The following RGL4 variants were observed in gnomAD, a reference collection of about 807,000 sequenced individuals.
RGL4 encodes the protein ral guanine nucleotide dissociation stimulator like 4.
A neutral mutation model predicts 49.6 loss-of-function variants in RGL4; 41 were observed. The ratio of observed to expected loss-of-function variants is 0.83; its 90% CI spans 0.64 to 1.07. The LOEUF is 1.07. RGL4 is among the 50% of genes least tolerant of loss of function. The pLI is 0.00. For missense variants in RGL4, 610 were observed against 591.9 expected (o/e 1.03, Z -0.32); for synonymous variants, 255 against 238.0 (o/e 1.07, Z -0.66).
Position 23,692,193 on chromosome 22 carries a change from A to T in RGL4, c.163A>T (p.Ser55Cys). The change falls in exon 1 of 11, where the codon AGC becomes TGC. Residue 55 changes from serine to cysteine, a missense_variant. Ser to Cys is a moderately radical substitution (Grantham distance 112). Transcript: ENST00000290691. ...TGGCCAGGTCTGCCCCTTCCAGGAC[A>T]GCACTGATGGCTTACGGTAGGGTGG... ...LYGQVCPFQD[S>C]TDGLRTITSI... 1.2e-6 allele frequency: 2 copies of T among 1,613,544 alleles called. No individual in the cohort carries two copies. The highest frequency in any genetic ancestry group is 1.7e-6 in the Non-Finnish European group (2 of 1,179,526).
chr22:23,694,512 C>A lies in RGL4; in HGVS notation c.1016+62C>A, dbSNP rs1201614698. The A allele has an allele frequency of 1.2e-5, 13 of 1,126,742 alleles. No homozygotes were observed. The South Asian group carries it at 1.2e-4, about 10-fold the overall frequency. The allele number at this position is 1,126,742 out of a possible 1,614,324, so 69.8% of individuals were successfully genotyped here. A position where few individuals can be genotyped will look rare whatever the true frequency, so the allele number is the denominator to read the frequency against. On this transcript the variant is annotated intron_variant, in intron 5 of 10. Transcript: ENST00000290691. ...ACCTAGGGACTCACAGGTCTCCCCC[C>A]ATGTGCCCTCAATGACTCTGAAAGG...
rs1477920617 is a variant in RGL4, at chr22:23,691,373, C to A, written c.-658C>A. On this transcript the variant is annotated 5_prime_UTR_variant, in exon 1 of 11. Transcript: ENST00000290691. The stretch of plus-strand genomic sequence containing the variant: ...GGTCCCTTGGTGCTGAAAAAGGAGC[C>A]ACAGGCCCACTCAGACATCTGGAGA... 1 of 152,176 alleles carries A rather than the reference C, an allele frequency of 6.6e-6. No individual in the cohort carries two copies. Among genetic ancestry groups the A allele is most frequent in the Non-Finnish European group, 1.5e-5 (1 of 68,044 alleles). 9.4% of individuals were successfully genotyped at this position (152,176 alleles called of 1,614,324 possible).
chr22:23,693,037 T>C, intron 3 of RGL4, 46 bp downstream of exon 3: 1 of 1,537,352 alleles, frequency 6.5e-7, no homozygotes. Context: ...ACCAGCTGTC[T>C]CAGACCAGCC....
rs555346416 is a variant in RGL4, at chr22:23,692,036, G to A, written c.6G>A (p.Arg2=). The change falls in exon 1 of 11, where the codon AGG becomes AGA. Residue 2 remains arginine (R), a synonymous_variant. Transcript: ENST00000290691. M[R]KLLTNLPAAA... is the part of the protein sequence containing the mutation. ...GACCCAGATCTGGAGCTTTGATGAG[G>A]AAGCTGCTCACAAATCTGCCTGCAG... 1.2e-6 allele frequency: 2 copies of A among 1,613,442 alleles called. No homozygotes were observed. Among genetic ancestry groups the A allele is most frequent in the East Asian group, 4.5e-5 (2 of 44,872 alleles).
chr22:23,694,149 C>T (rs1923332285), intron 4 of RGL4, 175 bp downstream of exon 4: 3 of 713,266 alleles, frequency 4.2e-6, no homozygotes, highest in Admixed American at 2.4e-5. Flanking sequence ...GGTGGCTGCT[C>T]ACTTCCGACC....
chr22:23,692,942 C>T lies in RGL4; in HGVS notation c.647C>T (p.Thr216Met), dbSNP rs17003397. 3,133 of 1,612,700 alleles carry T rather than the reference C, an allele frequency of 1.9e-3. 35 individuals are homozygous for T. The East Asian group carries it at 0.023, about 12-fold the overall frequency. Reference sequence around the variant, plus strand: ...CCCAGTGAGGAGCTGCCTGACATGACGACCTTCCCTCCCAGGCTGCTGGCA... The same window carrying T: ...CCCAGTGAGGAGCTGCCTGACATGATGACCTTCCCTCCCAGGCTGCTGGCA... ...NQPSEELPDM[T>M]TFPPRLLAEQ... The change falls in exon 3 of 11, where the codon ACG (threonine) becomes ATG (methionine). Residue 216 changes from threonine (T) to methionine (M), a missense_variant. Transcript: ENST00000290691.
Position 23,692,986 on chromosome 22 carries a change from G to T in RGL4, c.691G>T (p.Asp231Tyr), listed in dbSNP as rs780423673. ...RLLAEQLTLM[D>Y]AELFKKVVLH... ...GCTGGCAGAGCAGCTGACCCTCATG[G>T]ATGCGGTGAGCAGCTGAGCTTTGCA... The change falls in exon 3 of 11, where the codon GAT becomes TAT. Residue 231 changes from aspartate (D) to tyrosine (Y), a missense_variant. Asp to Tyr is a radical substitution (Grantham distance 160). Coordinates refer to ENST00000290691, the MANE Select transcript of RGL4 (RefSeq NM_153615.2). 3 of 1,598,906 alleles carry T rather than the reference G, an allele frequency of 1.9e-6. No individual in the cohort carries two copies. Among genetic ancestry groups the T allele is most frequent in the Non-Finnish European group, 2.6e-6 (3 of 1,171,232 alleles).
intron 9 of RGL4, 29 bp downstream of exon 9, chr22:23,697,890 G>A (rs752339311): frequency 1.2e-4 from 187 of 1,599,206 alleles, no homozygotes; most frequent in Non-Finnish European, 1.5e-4. Context: ...CACGTTGGAT[G>A]AGGGTGGGGA....
At position 23,696,688 on chromosome 22, in the gene RGL4, G is replaced by A; in HGVS notation, c.1161G>A (p.Lys387=). The change falls in exon 7 of 11, where the codon AAG becomes AAA. Residue 387 remains lysine, a splice_region_variant and synonymous_variant. Coordinates refer to ENST00000290691, the MANE Select transcript of RGL4 (RefSeq NM_153615.2). ...RVQMRLRRQK[K]GVVPFLGDFL... ...AGATGAGGCTGCGGAGGCAGAAGAA[G>A]GTGAGTGAGCCTGTGGCATGGACGG... The A allele has an allele frequency of 6.2e-7, 1 of 1,612,658 alleles. No individual in the cohort carries two copies. Among genetic ancestry groups the A allele is most frequent in the Non-Finnish European group, 8.5e-7 (1 of 1,179,544 alleles).
In RGL4 at chr22:23,694,240, C is replaced by A. The variant is rs1923339432; in HGVS notation, c.913-107C>A. 3 of 938,202 alleles carry A rather than the reference C, an allele frequency of 3.2e-6. No homozygotes were observed. The Admixed American group carries it at 5.5e-5, about 17-fold the overall frequency. The allele number at this position is 938,202 out of a possible 1,614,324, so 58.1% of individuals were successfully genotyped here. A position where few individuals can be genotyped will look rare whatever the true frequency, so the allele number is the denominator to read the frequency against. The stretch of plus-strand genomic sequence containing the variant: ...CCCCAGGTCTGCCCTCCTGAGGCTC[C>A]CCAGGCCTCTGCTTCATCCAGGAGG... On this transcript the variant is annotated intron_variant, in intron 4 of 10. Coordinates refer to ENST00000290691, the MANE Select transcript of RGL4 (RefSeq NM_153615.2).
At chr22:23,695,589 T>C (rs555709513) in intron 6 of RGL4, 1 of 383,882 alleles carries the variant, frequency 2.6e-6, no homozygotes, top group South Asian at 1.9e-5. Flanking sequence ...CAGCTTTGGG[T>C]ACCAATGGGC....
Position 23,692,838 on chromosome 22 carries a change from G to GC in RGL4, c.548dup (p.Pro184SerfsTer27), listed in dbSNP as rs750376093. 1 of 1,613,490 alleles carries GC rather than the reference G, an allele frequency of 6.2e-7. No individual in the cohort carries two copies. The highest frequency in any genetic ancestry group is 1.7e-5 in the Admixed American group (1 of 60,018). On this transcript the variant is annotated frameshift_variant, in exon 3 of 11. Transcript: ENST00000290691. LOFTEE classifies it high-confidence loss of function. ...GGCCAGCACCAGCACCAGGGGAAGG[G>GC]CCCCCTCCAGGGACAGTGCTGGAGC...
At chr22:23,697,910 C>T (rs1436855454) in intron 9 of RGL4, 49 bp downstream of exon 9, 3 of 1,577,186 alleles carry the variant, frequency 1.9e-6, no homozygotes, top group Non-Finnish European at 2.6e-6. Context: ...ATGTGGACGT[C>T]ACAGTCCACC....
At position 23,693,921 on chromosome 22, in the gene RGL4, A is replaced by G; in HGVS notation, c.859A>G (p.Met287Val). The G allele has an allele frequency of 6.2e-7, 1 of 1,613,888 alleles. No individual in the cohort carries two copies. The highest frequency in any genetic ancestry group is 8.5e-7 in the Non-Finnish European group (1 of 1,180,014). Residue 287 changes from methionine (M) to valine (V), a missense_variant, in exon 4 of 11, where the codon ATG becomes GTG. By Grantham distance (21) the Met-to-Val change is conservative (BLOSUM62 1). Transcript: ENST00000290691. ...ITTSCLGDHS[M>V]RARDRARVVE... ...CACCTCCTGCCTCGGGGACCACAGC[A>G]TGAGGGCCCGGGACAGGGCCAGGGT...
chr22:23,696,328 A>G (rs746388526), intron 6 of RGL4: 8 of 1,351,928 alleles, frequency 5.9e-6, no homozygotes, highest in Non-Finnish European at 5.8e-6. Context: ...TCTTCCTCAG[A>G]GGGATGACGG....
intron 6 of RGL4, 195 bp downstream of exon 6, chr22:23,695,214 G>GT (rs1555915278): frequency 1.9e-6 from 1 of 528,098 alleles, no homozygotes; most frequent in Non-Finnish European, 3.5e-6. Context: ...CCATGGGCAC[G>GT]TGGGGGCATG....
At chr22:23,698,006 C>CCG in intron 9 of RGL4, 145 bp downstream of exon 9, 1 of 1,142,332 alleles carries the variant, frequency 8.8e-7, no homozygotes, top group African/African-American at 2.0e-5. Flanking sequence ...GGACCTATCC[C>CCG]AGGAGAAAAT....
intron 5 of RGL4, 50 bp downstream of exon 5, chr22:23,694,500 C>G: frequency 1.6e-6 from 2 of 1,261,496 alleles, no homozygotes; most frequent in Non-Finnish European, 1.2e-6. Flanking sequence ...TAGGGACTCA[C>G]AGGTCTCCCC....
Position 23,693,960 on chromosome 22 carries a change from A to C in RGL4, c.898A>C (p.Ile300Leu). The C allele has an allele frequency of 6.2e-7, 1 of 1,613,638 alleles. No individual in the cohort carries two copies. Among genetic ancestry groups the C allele is most frequent in the Non-Finnish European group, 8.5e-7 (1 of 1,179,986 alleles). ...RDRARVVEHWIKVARECLSLN... is the reference protein window; with the variant it reads ...RDRARVVEHWLKVARECLSLN... ...CAGGGCCAGGGTGGTGGAGCACTGG[A>C]TCAAGGTGGCCAGGGTAAGCTATGG... Residue 300 changes from isoleucine (I) to leucine (L), a missense_variant, in exon 4 of 11, where the codon ATC becomes CTC. Transcript: ENST00000290691.
Sources: gnomAD v4.1 joint callset for allele counts on GRCh38, gnomAD v4.1.1 for gene constraint, MANE v1.5 for transcripts, NCBI Gene and HGNC (gene_info 2026-07-23, HGNC 2026-07-21) for gene names.